The following SGSM1 variants were observed in gnomAD, a reference collection of about 807,000 sequenced individuals.
SGSM1 encodes RUN and TBC1 domain containing 2.
A neutral mutation model predicts 133.8 loss-of-function variants in SGSM1; 73 were observed. The ratio of observed to expected loss-of-function variants is 0.55; its 90% confidence interval spans 0.45 to 0.66. The LOEUF is 0.66. Among genes scored for constraint, SGSM1 ranks in the 30% least tolerant of loss-of-function variants. The probability of loss-of-function intolerance (pLI) is 0.00; values close to 1 mark genes in which losing one functional copy is unlikely to be tolerated. For synonymous variants in SGSM1, 563 were observed against 573.0 expected (o/e 0.98, Z 0.25); for missense variants, 1,213 against 1,448.1 (o/e 0.84, Z 2.64).
chr22:24,885,214 C>T (rs1244948810), intron 15 of SGSM1, among the ~76,000 whole-genome samples: 6 of 152,028 alleles, frequency 3.9e-5, no homozygotes, highest in Non-Finnish European at 8.8e-5. Flanking sequence ...GGATTACAGG[C>T]GTGAGCCGCT....
chr22:24,907,723 G>C (rs1366049350), intron 21 of SGSM1, among the ~76,000 whole-genome samples: 1 of 151,638 alleles, frequency 6.6e-6, no homozygotes, highest in Non-Finnish European at 1.5e-5. Context: ...AGGAGATCGA[G>C]ACCATGGTGA....
intron 24 of SGSM1, among the ~76,000 whole-genome samples, 178 bp downstream of exon 24, chr22:24,920,171 G>GGTGCATT (rs1384123971): frequency 6.6e-6 from 1 of 152,102 alleles, no homozygotes; most frequent in Non-Finnish European, 1.5e-5. Flanking sequence ...TAATGCTGAG[G>GGTGCATT]GTGCATTTTT....
At chr22:24,845,926 C>CTTTTCTTTTCT (rs1555924194) in intron 3 of SGSM1, among the ~76,000 whole-genome samples, 13 of 147,158 alleles carry the variant, frequency 8.8e-5, no homozygotes, top group African/African-American at 3.3e-4. Context: ...TGGGCAAGAT[C>CTTTTCTTTTCT]TTTCTTTTCT....
At chr22:24,837,874 C>T (rs986534654) in intron 2 of SGSM1, among the ~76,000 whole-genome samples, 12 of 152,224 alleles carry the variant, frequency 7.9e-5, no homozygotes, top group Admixed American at 4.6e-4. Context: ...GTAACTGCTA[C>T]AAACTAATGA....
intron 2 of SGSM1, among the ~76,000 whole-genome samples, chr22:24,813,068 G>C (rs568422963): frequency 6.6e-6 from 1 of 152,316 alleles, no homozygotes; most frequent in East Asian, 1.9e-4. Flanking sequence ...TGATGGGATG[G>C]TGTTTGAGCA....
chr22:24,845,747 C>G (rs1930059039), intron 3 of SGSM1, among the ~76,000 whole-genome samples: 1 of 152,128 alleles, frequency 6.6e-6, no homozygotes, highest in African/African-American at 2.4e-5. Context: ...CCACAACATG[C>G]TGAGCACACG....
chr22:24,844,931 A>C lies in SGSM1; in HGVS notation c.98A>C (p.Lys33Thr). ...KQIMEEAVTR[K>T]FVHEDSSHII... ...ATCATGGAGGAGGCTGTGACACGCA[A>C]GTTTGTCCACGAAGACAGCAGCCAC... Residue 33 changes from lysine to threonine, a missense_variant, in exon 3 of 25, where the codon AAG becomes ACG. Physicochemically the swap from Lys to Thr is moderately conservative, Grantham distance 78. Transcript: ENST00000400358. The C allele has an allele frequency of 6.2e-7, 1 of 1,613,652 alleles. No individual in the cohort carries two copies. Among genetic ancestry groups the C allele is most frequent in the Non-Finnish European group, 8.5e-7 (1 of 1,179,826 alleles).
intron 12 of SGSM1, among the ~76,000 whole-genome samples, chr22:24,869,314 G>A (rs1931644557): frequency 6.6e-6 from 1 of 152,188 alleles, no homozygotes; most frequent in South Asian, 2.1e-4. Context: ...GAGCCCAGGA[G>A]TTTAAGACCA....
At chr22:24,910,427 T>C (rs1361278757) in intron 21 of SGSM1, among the ~76,000 whole-genome samples, 32 of 151,884 alleles carry the variant, frequency 2.1e-4, no homozygotes, top group African/African-American at 7.8e-4. Flanking sequence ...GCAGGAGGAT[T>C]GCTTGAGATC....
At chr22:24,837,255 A>G (rs998770942) in intron 2 of SGSM1, among the ~76,000 whole-genome samples, 210 of 152,340 alleles carry the variant, frequency 1.4e-3, no homozygotes, top group African/African-American at 4.7e-3. Context: ...CGTGGGTCAC[A>G]TGTCCACTGG....
intron 24 of SGSM1, among the ~76,000 whole-genome samples, chr22:24,921,650 A>C (rs999311247): frequency 6.6e-6 from 1 of 152,154 alleles, no homozygotes; most frequent in Non-Finnish European, 1.5e-5. Flanking sequence ...CCGCTTAATA[A>C]GTATTTATAT....
At chr22:24,824,075 A>C (rs1237704412) in intron 2 of SGSM1, among the ~76,000 whole-genome samples, 3 of 152,196 alleles carry the variant, frequency 2.0e-5, no homozygotes, top group African/African-American at 7.2e-5. Context: ...CCAGAGCCTG[A>C]TGCAGCAGGT....
chr22:24,916,554 C>A (rs912044962), intron 22 of SGSM1, among the ~76,000 whole-genome samples: 1 of 152,030 alleles, frequency 6.6e-6, no homozygotes, highest in Non-Finnish European at 1.5e-5. Flanking sequence ...AAAAATTAGC[C>A]AGGCCTGGTG....
chr22:24,884,755 A>G (rs959073084), intron 15 of SGSM1, among the ~76,000 whole-genome samples: 7 of 152,220 alleles, frequency 4.6e-5, no homozygotes, highest in Non-Finnish European at 1.0e-4. Context: ...ATGTACAGTT[A>G]GGACCTGCTG....
At position 24,867,221 on chromosome 22, in the gene SGSM1, A is replaced by G. The variant is rs1931509048; in HGVS notation, c.994+61A>G. 3.8e-5 allele frequency: 58 copies of G among 1,509,188 alleles called. No individual in the cohort carries two copies. The South Asian group carries it at 6.1e-4, about 16-fold the overall frequency. 93.5% of individuals were successfully genotyped at this position (1,509,188 alleles called of 1,614,324 possible). A position where few individuals can be genotyped will look rare whatever the true frequency, so the allele number is the denominator to read the frequency against. On this transcript the variant is annotated intron_variant, in intron 10 of 24. Transcript: ENST00000400358. ...CCTCTTGGATCCCCTGCCTGTCTCC[A>G]TCCCTGCCTATTCATTAGCATCATG...
intron 9 of SGSM1, among the ~76,000 whole-genome samples, chr22:24,860,484 T>G (rs1305209496): frequency 6.6e-6 from 1 of 152,082 alleles, no homozygotes; most frequent in Non-Finnish European, 1.5e-5. Context: ...CGAATCTTAT[T>G]TTACATTTTA....
intron 2 of SGSM1, among the ~76,000 whole-genome samples, chr22:24,828,773 G>A (rs114684475): frequency 9.9e-5 from 15 of 152,190 alleles, no homozygotes; most frequent in Non-Finnish European, 1.9e-4. Context: ...ACATATGCAC[G>A]CCAGTGTTCA....
In SGSM1 at chr22:24,832,627, G is replaced by C. The variant is rs114560586; in HGVS notation, c.64-12270G>C. Among the ~76,000 whole-genome samples the C allele has an allele frequency of 4.2e-3, 642 of 152,234 alleles. 4 individuals carry two copies. Among genetic ancestry groups the C allele is most frequent in the African/African-American group, 0.015 (616 of 41,542 alleles). ...TTAGCTGAGTCTGGCACACGAGAAG[G>C]GCTTGGTCAGAGGGAGAGATGATGA... On this transcript the variant is annotated intron_variant, in intron 2 of 24. Transcript: ENST00000400358.
chr22:24,848,432 A>T (rs1349846093), intron 4 of SGSM1, among the ~76,000 whole-genome samples: 1 of 152,172 alleles, frequency 6.6e-6, no homozygotes, highest in Non-Finnish European at 1.5e-5. Context: ...TTAAAAAAAA[A>T]ACTCTCATAC....
Sources: gnomAD v4.1 joint callset for allele counts (sites outside exome capture counted in the v4.1 genomes callset) on GRCh38, gnomAD v4.1.1 for gene constraint, MANE v1.5 for transcripts, NCBI Gene and HGNC (gene_info 2026-07-23, HGNC 2026-07-21) for gene names.